Variants in MED23 observed in about 807,000 individuals in gnomAD.
MED23 encodes mediator complex subunit 23.
In MED23, 105 loss-of-function variants were observed where a neutral mutation model predicts 163.9. The observed-to-expected ratio is 0.64, with a 90% CI of 0.55 to 0.75. The LOEUF (loss-of-function observed/expected upper bound fraction) is 0.75, where lower values mean the gene tolerates loss of function less well. Among genes scored for constraint, MED23 ranks in the 30% least tolerant of loss-of-function variants. MED23 has a pLI of 0.00. For missense variants in MED23, 1,054 were observed against 1,649.0 expected (o/e 0.64, Z 6.25); for synonymous variants, 561 against 565.6 (o/e 0.99, Z 0.12).
intron 4 of MED23, among the ~76,000 whole-genome samples, chr6:131,624,092 C>CT (rs1442049583): frequency 9.2e-5 from 14 of 152,142 alleles, no homozygotes; most frequent in African/African-American, 3.4e-4. Flanking sequence ...CATCTATCAC[C>CT]TTGTGGTACA....
chr6:131,609,901 T>C, intron 11 of MED23, 145 bp downstream of exon 11: 1 of 746,594 alleles, frequency 1.3e-6, no homozygotes. Context: ...AGTAAAAAGT[T>C]AAGAAACTAT....
downstream of MED23, chr6:131,582,611 G>A (rs1244186113): frequency 6.2e-7 from 1 of 1,608,102 alleles, no homozygotes; most frequent in Non-Finnish European, 8.5e-7. Context: ...TGAAAACATT[G>A]TAATTTTAGA....
Position 131,587,356 on chromosome 6 carries a change from A to G in MED23, c.*323T>C. 8.8e-7 allele frequency: 1 copy of G among 1,136,640 alleles called. No homozygotes were observed. Among genetic ancestry groups the G allele is most frequent in the Non-Finnish European group, 1.1e-6 (1 of 925,822 alleles). 70.4% of individuals were successfully genotyped at this position (1,136,640 alleles called of 1,614,324 possible). On this transcript the variant is annotated 3_prime_UTR_variant, in exon 29 of 29. Coordinates refer to ENST00000368068, the MANE Select transcript of MED23 (RefSeq NM_004830.4). ...AATAATAAAAAATACAAACAAAAAC[A>G]ACGGCTAGAATAGGAAAGACTGAAA...
chr6:131,620,603 A>G, intron 7 of MED23, 25 bp downstream of exon 7: 1 of 1,555,220 alleles, frequency 6.4e-7, no homozygotes, highest in Non-Finnish European at 8.9e-7. Flanking sequence ...ATTTTTATTA[A>G]AAATTCAGGA....
In MED23 at chr6:131,605,353, A is replaced by T; in HGVS notation, c.1500T>A (p.Tyr500Ter). 6.2e-7 allele frequency: 1 copy of T among 1,613,560 alleles called. No individual in the cohort carries two copies. The highest frequency in any genetic ancestry group is 2.2e-5 in the East Asian group (1 of 44,782). ...GAGGTATCCTCATAATTCCATTTCCATAAATAGTTTCTACCAGAGCTCCCA... is the reference window on the plus strand; with the variant it reads ...GAGGTATCCTCATAATTCCATTTCCTTAAATAGTTTCTACCAGAGCTCCCA... ...LPMGALVETI[Y>*]GNGIMRIPLP... Residue 500 changes from tyrosine to a stop codon, truncating the protein, a stop_gained, in exon 14 of 29, where the codon TAT (tyrosine) becomes TAA (stop). Transcript: ENST00000368068. LOFTEE classifies it high-confidence loss of function.
rs1280550998 is a variant in MED23 at position 131,598,347 on chromosome 6, A to C, written c.2547T>G (p.Ile849Met). The change falls in exon 20 of 29, where the codon ATT becomes ATG. Residue 849 changes from isoleucine (I) to methionine (M), a missense_variant. Physicochemically the swap from Ile to Met is conservative, Grantham distance 10. Around this residue, in one of 11 missense-constraint regions of MED23, gnomAD observed 228 missense variants for 461.3 expected, o/e 0.49. Transcript: ENST00000368068. This position sits in a 1 kb window ranked among gnomAD's most constrained non-coding sequence, Gnocchi z 4.7. Reference protein sequence around the residue: ...GGQQLNKCIEILNDMVWKYNI... With the variant: ...GGQQLNKCIEMLNDMVWKYNI... ...TATACTTCCATACCATGTCATTAAG[A>C]ATTTCAATGCATTTATTGAGTTGCT... 1 of 1,613,990 alleles carries C rather than the reference A, an allele frequency of 6.2e-7. No individual in the cohort carries two copies. The highest frequency in any genetic ancestry group is 8.5e-7 in the Non-Finnish European group (1 of 1,179,976).
At chr6:131,585,319 G>T (rs548596327), downstream of MED23, among the ~76,000 whole-genome samples, 5 of 152,244 alleles carry the variant, frequency 3.3e-5, no homozygotes, top group African/African-American at 1.2e-4. Context: ...CTGTAAAAAA[G>T]GTAGGCTCCA....
chr6:131,585,100 T>A (rs975637636), downstream of MED23, among the ~76,000 whole-genome samples: 2 of 152,080 alleles, frequency 1.3e-5, no homozygotes, highest in African/African-American at 2.4e-5. Flanking sequence ...CAGCTGAGGA[T>A]GTCATCTAAA....
At position 131,581,203 on chromosome 6, in the gene MED23, A is replaced by T. The variant is rs772341418; in HGVS notation, c.4095+6506T>A. 3.7e-5 allele frequency: 60 copies of T among 1,613,470 alleles called. No homozygotes were observed. The highest frequency in any genetic ancestry group is 4.6e-5 in the Non-Finnish European group (54 of 1,179,642). ...ACTGCAAACCTGATGTTCACACAAAATTTTTTCCCCAAAAGTTTGGCAATT... is the reference window on the plus strand; with the variant it reads ...ACTGCAAACCTGATGTTCACACAAATTTTTTTCCCCAAAAGTTTGGCAATT... On this transcript the variant is annotated intron_variant, in intron 30 of 30. Transcript: ENST00000354577.
Position 131,594,253 on chromosome 6 carries a change from G to A in MED23, c.3078C>T (p.Leu1026=), listed in dbSNP as rs771563986. The part of the protein sequence containing the change: ...LRDRAFLKRK[L]VHAIIGSLKD... ...TCAGAGAGCCAATGATCGCATGGAC[G>A]AGTTTTCGTTTGAGAAATGCGCGGT... is the stretch of plus-strand genomic sequence containing the variant. Residue 1026 remains leucine (L), a synonymous_variant, in exon 23 of 29, where the codon CTC becomes CTT. Transcript: ENST00000368068. 8.7e-6 allele frequency: 14 copies of A among 1,614,024 alleles called. No individual in the cohort carries two copies. Among genetic ancestry groups the A allele is most frequent in the East Asian group, 6.7e-5 (3 of 44,894 alleles).
At chr6:131,584,692 G>A (rs984253994), downstream of MED23, among the ~76,000 whole-genome samples, 1 of 151,968 alleles carries the variant, frequency 6.6e-6, no homozygotes, top group African/African-American at 2.4e-5. Context: ...GGAGGTGGAA[G>A]ATATTCCTGG....
intron 10 of MED23, chr6:131,615,225 C>T: frequency 7.0e-7 from 1 of 1,421,502 alleles, no homozygotes; most frequent in Non-Finnish European, 9.9e-7. Context: ...CTGCCAATTT[C>T]AAGCCCCGAC....
chr6:131,586,801 C>T lies in MED23; in HGVS notation c.*878G>A, dbSNP rs1029684840. The T allele has an allele frequency of 1.5e-5, 23 of 1,506,572 alleles. No homozygotes were observed. The highest frequency in any genetic ancestry group is 2.8e-5 in the African/African-American group (2 of 71,918). The allele number at this position is 1,506,572 out of a possible 1,614,324, so 93.3% of individuals were successfully genotyped here. A position where few individuals can be genotyped will look rare whatever the true frequency, so the allele number is the denominator to read the frequency against. On this transcript the variant is annotated 3_prime_UTR_variant, in exon 29 of 29. Coordinates refer to ENST00000368068, the MANE Select transcript of MED23 (RefSeq NM_004830.4). ...ATTAGTTTTCAAGTCTTTCGCAATG[C>T]CAATTCCCCCAAAATTAACAATGTC...
intron 12 of MED23, among the ~76,000 whole-genome samples, chr6:131,607,080 A>C (rs937183113): frequency 1.3e-5 from 2 of 152,084 alleles, no homozygotes; most frequent in Non-Finnish European, 2.9e-5. Flanking sequence ...AAACATATTG[A>C]CTATTAATGG....
At position 131,603,029 on chromosome 6, in the gene MED23, C is replaced by T; in HGVS notation, c.1931+1G>A. ...GGAAAGATGGTCTTCAATGAGCTCA[C>T]CAAAGATGGAGCTGGTTCTGGTTTG... On this transcript the variant is annotated splice_donor_variant, in intron 16 of 28. Transcript: ENST00000368068. LOFTEE classifies it high-confidence loss of function. 2 of 1,613,628 alleles carry T rather than the reference C, an allele frequency of 1.2e-6. No individual in the cohort carries two copies. The highest frequency in any genetic ancestry group is 1.7e-6 in the Non-Finnish European group (2 of 1,179,696).
At chr6:131,606,413 A>G in intron 13 of MED23, 66 bp downstream of exon 13, 1 of 1,542,210 alleles carries the variant, frequency 6.5e-7, no homozygotes, top group Non-Finnish European at 9.0e-7. Context: ...CACCGAGACC[A>G]ATATTAGTCT....
chr6:131,613,352 G>A (rs532847028), intron 10 of MED23, among the ~76,000 whole-genome samples: 112 of 152,276 alleles, frequency 7.4e-4, no homozygotes, highest in African/African-American at 2.4e-3. Context: ...TTTATGACTT[G>A]CTGAATGTAA....
At chr6:131,617,228 T>C (rs1352169362) in intron 9 of MED23, among the ~76,000 whole-genome samples, 1 of 151,582 alleles carries the variant, frequency 6.6e-6, no homozygotes, top group Non-Finnish European at 1.5e-5. Context: ...CATTTCTATC[T>C]GTGTCGCTGG....
intron 4 of MED23, 131 bp from the exon 5 acceptor site, chr6:131,623,593 G>A (rs1777271596): frequency 1.3e-6 from 1 of 750,148 alleles, no homozygotes; most frequent in East Asian, 2.6e-5. Context: ...ATCCCCACGT[G>A]TCATGAGAAA....
Sources: allele counts gnomAD v4.1 joint callset (sites outside exome capture counted in the v4.1 genomes callset), GRCh38; gene constraint gnomAD v4.1.1; regional missense constraint gnomAD v4.1.1; non-coding constraint Gnocchi (gnomAD v3.1); transcripts MANE v1.5; gene names NCBI Gene and HGNC (gene_info 2026-07-23, HGNC 2026-07-21).